CLDN16: variants seen among roughly 807,000 people sequenced by gnomAD.
CLDN16 encodes claudin-16.
A neutral mutation model predicts 24.6 loss-of-function variants in CLDN16; 13 were observed. The observed-to-expected ratio is 0.53, with a 90% confidence interval of 0.34 to 0.84. The LOEUF (loss-of-function observed/expected upper bound fraction) is 0.84, where lower values mean the gene tolerates loss of function less well. Among genes scored for constraint, CLDN16 ranks in the 40% least tolerant of loss-of-function variants. CLDN16 has a pLI of 0.01. For synonymous variants in CLDN16, 116 were observed against 106.7 expected (o/e 1.09, Z -0.54); for missense variants, 298 against 292.7 (o/e 1.02, Z -0.13).
chr3:190,314,742 A>G, the CLDN16 span, among the ~76,000 whole-genome samples: 1 of 152,260 alleles, frequency 6.6e-6, no homozygotes, highest in South Asian at 2.1e-4. Flanking sequence ...TATTGTTTAC[A>G]GTATTTGAGA....
chr3:190,387,503 A>G (rs972136270), upstream of CLDN16, among the ~76,000 whole-genome samples: 39 of 152,234 alleles, frequency 2.6e-4, no homozygotes, highest in African/African-American at 9.4e-4. Context: ...CAGGCACAAT[A>G]TCTTTTATTC....
At chr3:190,293,170 C>A in the CLDN16 span, among the ~76,000 whole-genome samples, 1 of 152,178 alleles carries the variant, frequency 6.6e-6, no homozygotes, top group Non-Finnish European at 1.5e-5. Flanking sequence ...GCATGTCTTA[C>A]ATGGCAGCAG....
At chr3:190,322,166 G>A (rs141961866), upstream of CLDN16, 646 of 1,614,160 alleles carry the variant, frequency 4.0e-4, no homozygotes, top group Middle Eastern at 1.2e-3. Flanking sequence ...TCCCAGGAAG[G>A]CGAGAATGAA....
intron 1 of CLDN16, among the ~76,000 whole-genome samples, chr3:190,333,104 C>T (rs540650203): frequency 6.6e-6 from 1 of 152,256 alleles, no homozygotes; most frequent in African/African-American, 2.4e-5. Context: ...AACCTTTACA[C>T]CCAACAAGGT....
the CLDN16 span, among the ~76,000 whole-genome samples, chr3:190,300,708 T>G: frequency 6.6e-6 from 1 of 152,234 alleles, no homozygotes; most frequent in Non-Finnish European, 1.5e-5. Context: ...TTTTCCTATT[T>G]TTTTTCTCCA....
At chr3:190,399,832 G>A (rs1418264339) in intron 1 of CLDN16, among the ~76,000 whole-genome samples, 1 of 152,146 alleles carries the variant, frequency 6.6e-6, no homozygotes, top group Non-Finnish European at 1.5e-5. Context: ...GAGGTGAGCA[G>A]TGAGCAAGTG....
chr3:190,369,410 C>T (rs1326448645), intron 1 of CLDN16, among the ~76,000 whole-genome samples: 2 of 151,886 alleles, frequency 1.3e-5, no homozygotes, highest in Non-Finnish European at 2.9e-5. Flanking sequence ...AGAGAAGCTG[C>T]TCATAAGAGA....
intron 1 of CLDN16, among the ~76,000 whole-genome samples, chr3:190,349,291 G>A (rs147277751): frequency 3.3e-5 from 5 of 152,200 alleles, no homozygotes; most frequent in African/African-American, 7.2e-5. Flanking sequence ...TTGTTTAAAC[G>A]TGTGTAGAGC....
rs7622375 is a variant in CLDN16, at chr3:190,398,488, T to G, written c.115-3849T>G. On this transcript the variant is annotated intron_variant, in intron 1 of 4. Transcript: ENST00000264734. The stretch of plus-strand genomic sequence containing the variant: ...TCTCTCCTGCATGTGTCTCTTATAA[T>G]GAAATTTGTCAGCCCACCTGTATAA... 7.6e-3 allele frequency among the ~76,000 whole-genome samples: 1,161 copies of G among 152,306 alleles called. 16 individuals are homozygous for G. The highest frequency in any genetic ancestry group is 0.027 in the African/African-American group (1,122 of 41,566).
chr3:190,307,928 AT>A, the CLDN16 span: 1 of 186,220 alleles, frequency 5.4e-6, no homozygotes, highest in African/African-American at 2.4e-5. Context: ...TATCAACATA[AT>A]GAGAATAGTA....
chr3:190,360,658 C>T (rs75085441), intron 1 of CLDN16, among the ~76,000 whole-genome samples: 4,297 of 151,358 alleles, frequency 0.028, 95 homozygotes, highest in East Asian at 0.056. Context: ...TATTTTTTTC[C>T]CATTCTATTC....
upstream of CLDN16, among the ~76,000 whole-genome samples, chr3:190,385,404 G>A (rs1157585779): frequency 6.6e-6 from 1 of 151,976 alleles, no homozygotes; most frequent in African/African-American, 2.4e-5. Flanking sequence ...TTACATTATG[G>A]CCTCACTCAC....
upstream of CLDN16, among the ~76,000 whole-genome samples, chr3:190,387,542 GA>G (rs1457375506): frequency 1.3e-5 from 2 of 152,116 alleles, no homozygotes; most frequent in Admixed American, 1.3e-4. Flanking sequence ...ATTATATAAA[GA>G]AAATATTAAT....
At chr3:190,400,650 T>A (rs1400555473) in intron 1 of CLDN16, among the ~76,000 whole-genome samples, 1 of 152,244 alleles carries the variant, frequency 6.6e-6, no homozygotes, top group East Asian at 1.9e-4. Context: ...AATAAAAGAA[T>A]TTCATTTTTT....
In CLDN16 at chr3:190,411,348, C is replaced by T. The variant is rs1213470685; in HGVS notation, c.*1312C>T. 6.6e-6 allele frequency: 1 copy of T among 152,014 alleles called. No individual in the cohort carries two copies. Among genetic ancestry groups the T allele is most frequent in the Admixed American group, 6.6e-5 (1 of 15,260 alleles). The allele number at this position is 152,014 out of a possible 1,614,324, so 9.4% of individuals were successfully genotyped here. A position where few individuals can be genotyped will look rare whatever the true frequency, so the allele number is the denominator to read the frequency against. ...GAATTACATATACATTTAACGAAGT[C>T]GCTAATGACATTTCATTCATATTCA... On this transcript the variant is annotated 3_prime_UTR_variant, in exon 5 of 5. Transcript: ENST00000264734.
At chr3:190,317,435 C>T in the CLDN16 span, among the ~76,000 whole-genome samples, 47 of 152,262 alleles carry the variant, frequency 3.1e-4, no homozygotes, top group Admixed American at 5.9e-4. Context: ...TTACAAAGAT[C>T]TCTACTTATA....
At chr3:190,372,389 A>T (rs1718160811) in intron 2 of CLDN16, among the ~76,000 whole-genome samples, 1 of 151,892 alleles carries the variant, frequency 6.6e-6, no homozygotes. Flanking sequence ...CTACCTGTTT[A>T]CCCAGATACT....
chr3:190,347,969 C>G (rs762176371), intron 1 of CLDN16, among the ~76,000 whole-genome samples: 1 of 151,280 alleles, frequency 6.6e-6, no homozygotes, highest in East Asian at 1.9e-4. Context: ...ATGGGCTGGG[C>G]GCGGTGGCTC....
At chr3:190,338,987 A>G (rs1310567942) in intron 1 of CLDN16, among the ~76,000 whole-genome samples, 1 of 152,190 alleles carries the variant, frequency 6.6e-6, no homozygotes, top group Non-Finnish European at 1.5e-5. Flanking sequence ...TCACCCAGAA[A>G]TGCCTGAGAA....
Sources: gnomAD v4.1 joint callset for allele counts (sites outside exome capture counted in the v4.1 genomes callset) on GRCh38, gnomAD v4.1.1 for gene constraint, MANE v1.5 for transcripts, NCBI Gene and HGNC (gene_info 2026-07-23, HGNC 2026-07-21) for gene names.